Variants in ADAMTS18 observed in about 807,000 individuals in gnomAD.
ADAMTS18 encodes the protein A disintegrin and metalloproteinase with thrombospondin motifs 18.
A neutral mutation model predicts 165.9 loss-of-function variants in ADAMTS18; 157 were observed. The observed-to-expected ratio is 0.95, with a 90% confidence interval of 0.83 to 1.08. The LOEUF (loss-of-function observed/expected upper bound fraction) is 1.08, where lower values mean the gene tolerates loss of function less well. Ranked by LOEUF, ADAMTS18 falls within the 50% of genes least tolerant of loss-of-function variation. The probability of loss-of-function intolerance (pLI) is 0.00; values close to 1 mark genes in which losing one functional copy is unlikely to be tolerated. For missense variants in ADAMTS18, 2,040 were observed against 1,534.0 expected (o/e 1.33, Z -5.51); for synonymous variants, 782 against 578.2 (o/e 1.35, Z -5.06).
chr16:77,400,047 C>T (rs2057305639), intron 3 of ADAMTS18, among the ~76,000 whole-genome samples: 1 of 152,122 alleles, frequency 6.6e-6, no homozygotes, highest in Non-Finnish European at 1.5e-5. Context: ...TTAATCAACG[C>T]CCCATAGCCA....
intron 3 of ADAMTS18, among the ~76,000 whole-genome samples, chr16:77,429,085 A>G (rs2057707599): frequency 6.6e-6 from 1 of 152,220 alleles, no homozygotes; most frequent in South Asian, 2.1e-4. Flanking sequence ...CAGTCCCAGT[A>G]CTAGGTATGA....
At chr16:77,357,510 A>C (rs1186358880) in intron 8 of ADAMTS18, among the ~76,000 whole-genome samples, 1 of 152,218 alleles carries the variant, frequency 6.6e-6, no homozygotes, top group Non-Finnish European at 1.5e-5. Context: ...TATTTGTGAA[A>C]GTAAAAAACA....
Position 77,431,671 on chromosome 16 carries a change from T to C in ADAMTS18, c.179-60A>G, listed in dbSNP as rs370379172. The stretch of plus-strand genomic sequence containing the variant: ...AGCCCACAATTCCAAATGGTCTCTT[T>C]CCAGCAAGCTGGCAAAGAGCAACAC... On this transcript the variant is annotated intron_variant, in intron 2 of 22. Transcript: ENST00000282849. 8 of 1,568,422 alleles carry C rather than the reference T, an allele frequency of 5.1e-6. No homozygotes were observed. In the African/African-American group the frequency reaches 6.8e-5, roughly 13 times the overall value.
At chr16:77,386,476 G>C (rs1021328844) in intron 3 of ADAMTS18, among the ~76,000 whole-genome samples, 2 of 152,138 alleles carry the variant, frequency 1.3e-5, no homozygotes, top group African/African-American at 2.4e-5. Flanking sequence ...AATTTTTCAA[G>C]AGAAGCCATA....
chr16:77,374,085 G>A (rs2056915776), intron 3 of ADAMTS18, among the ~76,000 whole-genome samples: 2 of 151,952 alleles, frequency 1.3e-5, no homozygotes, highest in South Asian at 4.2e-4. Flanking sequence ...CCGGCGTGGT[G>A]GCAGGCACCT....
At chr16:77,289,876 C>G (rs2055329238) in intron 21 of ADAMTS18, among the ~76,000 whole-genome samples, 1 of 152,172 alleles carries the variant, frequency 6.6e-6, no homozygotes, top group Non-Finnish European at 1.5e-5. Flanking sequence ...CAGCCACATT[C>G]TGAGTTGGCA....
intron 16 of ADAMTS18, among the ~76,000 whole-genome samples, chr16:77,312,584 G>A (rs1273912711): frequency 6.6e-6 from 1 of 152,164 alleles, no homozygotes; most frequent in Non-Finnish European, 1.5e-5. Flanking sequence ...TACACCTGGT[G>A]AAAAATCTTA....
At chr16:77,331,301 G>C (rs2056185153) in intron 12 of ADAMTS18, among the ~76,000 whole-genome samples, 1 of 152,010 alleles carries the variant, frequency 6.6e-6, no homozygotes, top group South Asian at 2.1e-4. Context: ...TGTCTTTCTT[G>C]GGAAAATATT....
intron 2 of ADAMTS18, 120 bp from the exon 3 acceptor site, chr16:77,431,731 C>T: frequency 2.9e-6 from 3 of 1,031,868 alleles, no homozygotes; most frequent in Non-Finnish European, 4.5e-6. Context: ...TATTGCCTTG[C>T]ACCTAGATCA....
intron 3 of ADAMTS18, among the ~76,000 whole-genome samples, chr16:77,398,319 A>AAACAAC (rs143795076): frequency 0.12 from 17,927 of 150,996 alleles, 1,258 homozygotes; most frequent in East Asian, 0.19. Context: ...TCTGTCTCAA[A>AAACAAC]AACAACAACA....
chr16:77,320,729 C>CAACATATT (rs1234932623), intron 15 of ADAMTS18, among the ~76,000 whole-genome samples: 2 of 152,158 alleles, frequency 1.3e-5, no homozygotes, highest in Non-Finnish European at 2.9e-5. Flanking sequence ...TAATTTCACT[C>CAACATATT]AACATATTTA....
At chr16:77,376,666 G>A (rs1229519586) in intron 3 of ADAMTS18, among the ~76,000 whole-genome samples, 1 of 152,108 alleles carries the variant, frequency 6.6e-6, no homozygotes, top group Non-Finnish European at 1.5e-5. Flanking sequence ...AGCTGCTAAA[G>A]CTTAAAAATT....
chr16:77,358,157 G>T (rs1365619921), intron 8 of ADAMTS18, among the ~76,000 whole-genome samples: 1 of 152,128 alleles, frequency 6.6e-6, no homozygotes, highest in South Asian at 2.1e-4. Context: ...TCATATCTAG[G>T]AAAGTGTGCA....
intron 3 of ADAMTS18, among the ~76,000 whole-genome samples, chr16:77,405,951 T>C (rs1260600822): frequency 1.3e-5 from 2 of 152,138 alleles, no homozygotes; most frequent in East Asian, 1.9e-4. Context: ...TAATAATCTA[T>C]GTAAGAAAAT....
At chr16:77,318,931 G>A (rs922135124) in intron 16 of ADAMTS18, among the ~76,000 whole-genome samples, 1 of 152,128 alleles carries the variant, frequency 6.6e-6, no homozygotes, top group Non-Finnish European at 1.5e-5. Context: ...AGAGCCAACA[G>A]TCAGCCCCAT....
chr16:77,353,497 A>C (rs1308842836), intron 10 of ADAMTS18, among the ~76,000 whole-genome samples: 1 of 152,186 alleles, frequency 6.6e-6, no homozygotes, highest in African/African-American at 2.4e-5. Flanking sequence ...TCTTCATTTA[A>C]AGAGAAAGAA....
At position 77,295,015 on chromosome 16, in the gene ADAMTS18, G is replaced by C. The variant is rs1231964799; in HGVS notation, c.2914C>G (p.His972Asp). The change falls in exon 19 of 23, where the codon CAT becomes GAT. Residue 972 changes from histidine to aspartate, a missense_variant. Transcript: ENST00000282849. Reference sequence around the variant, plus strand: ...GGTGTGCTCACTGGACAGAGAGAATGCAACACTGCTTCCTCCTTTTGGAAG... The same window carrying C: ...GGTGTGCTCACTGGACAGAGAGAATCCAACACTGCTTCCTCCTTTTGGAAG... Reference protein sequence around the residue: ...KPFQKEEAVLHSLCPVSTPTQ... With the variant: ...KPFQKEEAVLDSLCPVSTPTQ... 3 of 1,614,170 alleles carry C rather than the reference G, an allele frequency of 1.9e-6. No individual in the cohort carries two copies. The South Asian group carries it at 3.3e-5, about 18-fold the overall frequency.
rs145904992 is a variant in ADAMTS18 at position 77,320,014 on chromosome 16, G to A, written c.2367C>T (p.Leu789=). The A allele has an allele frequency of 8.7e-6, 14 of 1,614,000 alleles. No homozygotes were observed. The highest frequency in any genetic ancestry group is 8.3e-5 in the Admixed American group (5 of 60,000). Residue 789 remains leucine (L), a synonymous_variant, in exon 16 of 23, where the codon CTC becomes CTT. Transcript: ENST00000282849. ...ACTTTTGACTGAGGCTTCGAACTGC[G>A]AGGTAACTGGAGGAAACCTGCAGCT... ...IQELQVSSSY[L]AVRSLSQKYY...
intron 3 of ADAMTS18, among the ~76,000 whole-genome samples, chr16:77,381,336 G>T (rs969175519): frequency 1.3e-5 from 2 of 152,108 alleles, no homozygotes; most frequent in Non-Finnish European, 2.9e-5. Context: ...GGACTCTGAA[G>T]GTATGACTCT....
Sources: gnomAD v4.1 joint callset for allele counts (sites outside exome capture counted in the v4.1 genomes callset) on GRCh38, gnomAD v4.1.1 for gene constraint, MANE v1.5 for transcripts, NCBI Gene and HGNC (gene_info 2026-07-23, HGNC 2026-07-21) for gene names.